Variants in TMEM132D observed in about 807,000 individuals in gnomAD.
TMEM132D encodes the protein transmembrane protein 132D, also known as mature OL transmembrane protein.
TMEM132D carries 21 observed loss-of-function variants against 62.3 expected under a neutral mutation model. The ratio of observed to expected loss-of-function variants is 0.34; its 90% confidence interval spans 0.24 to 0.49. The LOEUF is 0.49. Ranked by LOEUF, TMEM132D falls within the 20% of genes least tolerant of loss-of-function variation. The pLI is 0.99. For synonymous variants in TMEM132D, 621 were observed against 575.6 expected (o/e 1.08, Z -1.13); for missense variants, 1,346 against 1,402.8 (o/e 0.96, Z 0.65).
chr12:129,607,029 G>C (rs1878645626), intron 2 of TMEM132D, among the ~76,000 whole-genome samples: 1 of 151,198 alleles, frequency 6.6e-6, no homozygotes, highest in East Asian at 1.9e-4. Context: ...TCTCATCTCT[G>C]TGTCTCCACT....
intron 2 of TMEM132D, among the ~76,000 whole-genome samples, chr12:129,644,428 C>A (rs1350496625): frequency 1.3e-5 from 2 of 152,098 alleles, no homozygotes; most frequent in African/African-American, 4.8e-5. Context: ...TTTGTCCTTG[C>A]AGCTGTAATA....
At chr12:129,861,834 T>C (rs75630942) in intron 1 of TMEM132D, among the ~76,000 whole-genome samples, 4,766 of 151,596 alleles carry the variant, frequency 0.031, 125 homozygotes, top group South Asian at 0.086. Flanking sequence ...TTCTGGCAGA[T>C]AACATCACTA....
At chr12:129,351,185 T>G (rs957356939) in intron 3 of TMEM132D, among the ~76,000 whole-genome samples, 1 of 152,178 alleles carries the variant, frequency 6.6e-6, no homozygotes, top group Non-Finnish European at 1.5e-5. Context: ...ACCTTATAAC[T>G]GGACTGGAAG....
In TMEM132D at chr12:129,147,962, C is replaced by T. The variant is rs998383786; in HGVS notation, c.1443+61558G>A. Among the ~76,000 whole-genome samples, 10 of 152,282 alleles carry T rather than the reference C, an allele frequency of 6.6e-5. No homozygotes were observed. The South Asian group carries it at 1.2e-3, about 19-fold the overall frequency. The stretch of plus-strand genomic sequence containing the variant: ...GACATTCCATGTCCAGTACTTTCTC[C>T]GTGTTGGCCATGGGCACCTGCAGAG... On this transcript the variant is annotated intron_variant, in intron 5 of 8. Coordinates refer to ENST00000422113, the MANE Select transcript of TMEM132D (RefSeq NM_133448.3).
chr12:129,560,663 C>G (rs1388751859), intron 2 of TMEM132D, among the ~76,000 whole-genome samples: 2 of 152,180 alleles, frequency 1.3e-5, no homozygotes, highest in Non-Finnish European at 2.9e-5. Context: ...ATAAATTAGG[C>G]AGGTGAAGGT....
intron 1 of TMEM132D, among the ~76,000 whole-genome samples, chr12:129,753,908 C>A (rs976853120): frequency 6.6e-6 from 1 of 152,170 alleles, no homozygotes; most frequent in African/African-American, 2.4e-5. Flanking sequence ...TTCCTGATGT[C>A]TTCCCCTATT....
chr12:129,694,592 C>T (rs1186213482), intron 2 of TMEM132D, among the ~76,000 whole-genome samples: 1 of 152,228 alleles, frequency 6.6e-6, no homozygotes, highest in Non-Finnish European at 1.5e-5. Flanking sequence ...ATACTTCAAC[C>T]AGTCATAGAC....
chr12:129,084,196 G>C (rs549170842), intron 6 of TMEM132D, among the ~76,000 whole-genome samples: 12 of 152,270 alleles, frequency 7.9e-5, no homozygotes. Context: ...ACAGTAACTA[G>C]ATAAGGGAGG....
intron 2 of TMEM132D, among the ~76,000 whole-genome samples, chr12:129,562,925 A>C (rs1368412212): frequency 6.6e-6 from 1 of 152,236 alleles, no homozygotes; most frequent in Non-Finnish European, 1.5e-5. Flanking sequence ...CCTGTACTCC[A>C]GTAGAACTCT....
intron 5 of TMEM132D, among the ~76,000 whole-genome samples, chr12:129,136,374 C>T (rs974587188): frequency 6.6e-6 from 1 of 152,072 alleles, no homozygotes; most frequent in Non-Finnish European, 1.5e-5. Context: ...TGGGGCTGTT[C>T]CTCAGTCTTT....
intron 1 of TMEM132D, among the ~76,000 whole-genome samples, chr12:129,777,520 C>T (rs754275094): frequency 2.4e-4 from 37 of 152,250 alleles, no homozygotes; most frequent in Non-Finnish European, 4.4e-4. Flanking sequence ...AGCGTCCAAG[C>T]AGCAACTTCA....
At chr12:129,611,100 T>C (rs753092390) in intron 2 of TMEM132D, among the ~76,000 whole-genome samples, 1 of 152,244 alleles carries the variant, frequency 6.6e-6, no homozygotes, top group Non-Finnish European at 1.5e-5. Context: ...CTTGCCTCAC[T>C]GCCTTCCTTT....
intron 1 of TMEM132D, among the ~76,000 whole-genome samples, chr12:129,717,279 A>C (rs180879413): frequency 1.3e-5 from 2 of 152,288 alleles, no homozygotes; most frequent in Admixed American, 6.5e-5. Context: ...TTCTTAAGTG[A>C]TGTGACATCG....
intron 5 of TMEM132D, chr12:129,170,179 G>A (rs1437469920): frequency 6.6e-6 from 1 of 152,222 alleles, no homozygotes; most frequent in Admixed American, 6.5e-5. Context: ...AGGAGGAGCT[G>A]TTCCCACATG....
chr12:129,337,441 G>GCACACACACACA (rs34583805), intron 4 of TMEM132D, among the ~76,000 whole-genome samples, 193 bp downstream of exon 4: 2,955 of 148,188 alleles, frequency 0.02, 76 homozygotes, highest in East Asian at 0.083. Context: ...ATACACACAC[G>GCACACACACACA]CACACACACA....
intron 4 of TMEM132D, among the ~76,000 whole-genome samples, chr12:129,257,307 C>G (rs188187708): frequency 2.0e-5 from 3 of 151,042 alleles, no homozygotes; most frequent in Non-Finnish European, 4.4e-5. Flanking sequence ...CCCGGGTTCA[C>G]GCCATTCTCC....
chr12:129,870,978 C>T (rs1233017691), intron 1 of TMEM132D, among the ~76,000 whole-genome samples: 1 of 152,040 alleles, frequency 6.6e-6, no homozygotes, highest in Non-Finnish European at 1.5e-5. Context: ...CATTAGAACA[C>T]CTGTGGAGAG....
At chr12:129,616,111 G>T (rs1021088261) in intron 2 of TMEM132D, among the ~76,000 whole-genome samples, 2 of 152,180 alleles carry the variant, frequency 1.3e-5, no homozygotes, top group African/African-American at 2.4e-5. Flanking sequence ...TCCTTGTTTG[G>T]TGGGTAAATA....
At chr12:129,265,979 C>G (rs905189344) in intron 4 of TMEM132D, among the ~76,000 whole-genome samples, 1 of 152,112 alleles carries the variant, frequency 6.6e-6, no homozygotes, top group African/African-American at 2.4e-5. Flanking sequence ...CATTTACTGC[C>G]TGGCTTGGCA....
Sources: allele counts gnomAD v4.1 joint callset (sites outside exome capture counted in the v4.1 genomes callset), GRCh38; gene constraint gnomAD v4.1.1; transcripts MANE v1.5; gene names NCBI Gene and HGNC (gene_info 2026-07-23, HGNC 2026-07-21).